STK3: variants seen among roughly 807,000 people sequenced by gnomAD.
The protein encoded by STK3 is serine/threonine kinase 3.
In STK3, 41 loss-of-function variants were observed where a neutral mutation model predicts 58.0. The ratio of observed to expected loss-of-function variants is 0.71; its 90% CI spans 0.55 to 0.92. STK3 has a LOEUF of 0.92. Among genes scored for constraint, STK3 ranks in the 40% least tolerant of loss-of-function variants. The pLI is 0.00. For missense variants in STK3, 479 were observed against 602.7 expected (o/e 0.79, Z 2.15); for synonymous variants, 170 against 191.0 (o/e 0.89, Z 0.91).
chr8:98,840,624 T>TATATAC, intron 3 of STK3, among the ~76,000 whole-genome samples: 1 of 132,208 alleles, frequency 7.6e-6, no homozygotes, highest in South Asian at 2.4e-4. Context: ...TATATATATA[T>TATATAC]ATATACACAC....
downstream of STK3, among the ~76,000 whole-genome samples, chr8:98,368,834 C>T (rs759376140): frequency 3.3e-5 from 5 of 152,160 alleles, no homozygotes; most frequent in Non-Finnish European, 7.3e-5. Context: ...CGTAGGCCTT[C>T]TCGGAACATT....
intron 10 of STK3, among the ~76,000 whole-genome samples, chr8:98,466,733 T>C (rs888003329): frequency 3.9e-5 from 6 of 152,210 alleles, no homozygotes; most frequent in Middle Eastern, 3.2e-3. Context: ...TTCCTGATGT[T>C]GTGGTTAGTA....
chr8:98,510,582 G>GT lies in STK3; in HGVS notation c.1317+16159dup, dbSNP rs200308758. On this transcript the variant is annotated intron_variant, in intron 10 of 10. Coordinates refer to ENST00000419617, the MANE Select transcript of STK3 (RefSeq NM_006281.4). ...AATTTCTATAAAATATTTAAATGCAGTTTTTTTTTACAACTAGAATTCTCA... is the reference window on the plus strand; with the variant it reads ...AATTTCTATAAAATATTTAAATGCAGTTTTTTTTTTACAACTAGAATTCTCA... Among the ~76,000 whole-genome samples the GT allele has an allele frequency of 7.7e-3, 1,165 of 150,820 alleles. 12 individuals are homozygous for GT. The highest frequency in any genetic ancestry group is 0.01 in the Middle Eastern group (3 of 294).
chr8:98,597,880 A>C lies in STK3; in HGVS notation c.685-1711T>G, dbSNP rs923824571. ...CAAACAACTGAGTGCCAGACAATGA[A>C]ATTCTGCCTGCAAATAACCTAATTA... On this transcript the variant is annotated intron_variant, in intron 6 of 10. Transcript: ENST00000419617. The C allele has an allele frequency of 7.1e-6, 7 of 985,252 alleles. No individual in the cohort carries two copies. The African/African-American group carries it at 1.2e-4, about 17-fold the overall frequency. The allele number at this position is 985,252 out of a possible 1,614,324, so 61.0% of individuals were successfully genotyped here.
At chr8:98,392,299 G>A (rs1038720544), upstream of STK3, among the ~76,000 whole-genome samples, 2 of 152,022 alleles carry the variant, frequency 1.3e-5, no homozygotes, top group Non-Finnish European at 2.9e-5. Context: ...TGTATTCATG[G>A]AATGCTTCCT....
chr8:98,923,854 T>TGTGTGTGTGTGCGCGCGC (rs1491486943), intron 1 of STK3, among the ~76,000 whole-genome samples: 1 of 113,620 alleles, frequency 8.8e-6, no homozygotes, highest in African/African-American at 3.4e-5. Context: ...TGTGTGTGTG[T>TGTGTGTGTGTGCGCGCGC]GCGCGCGCGC....
chr8:98,473,243 C>T (rs1363970404), intron 10 of STK3, among the ~76,000 whole-genome samples: 1 of 152,018 alleles, frequency 6.6e-6, no homozygotes, highest in Non-Finnish European at 1.5e-5. Context: ...TCTTCTACAC[C>T]CCCTGTTGTA....
intron 7 of STK3, chr8:98,595,454 T>G (rs186912224): frequency 1.3e-5 from 2 of 152,196 alleles, no homozygotes; most frequent in Admixed American, 1.3e-4. Flanking sequence ...GAGACATACT[T>G]ATTATTAGCT....
chr8:98,903,992 T>C (rs895620695), intron 1 of STK3, among the ~76,000 whole-genome samples: 2 of 152,226 alleles, frequency 1.3e-5, no homozygotes, highest in African/African-American at 4.8e-5. Flanking sequence ...CTCATGTTTA[T>C]GTCTTTTTTT....
chr8:98,772,075 C>T (rs1831346012), intron 2 of STK3, among the ~76,000 whole-genome samples: 2 of 152,206 alleles, frequency 1.3e-5, no homozygotes, highest in South Asian at 4.1e-4. Flanking sequence ...ATTAGTTTTG[C>T]TATATTCCAT....
intron 10 of STK3, among the ~76,000 whole-genome samples, chr8:98,496,987 A>G (rs1449099665): frequency 1.3e-5 from 2 of 152,194 alleles, no homozygotes; most frequent in African/African-American, 4.8e-5. Context: ...AAAAATTTTT[A>G]AAGCCAAAAC....
intron 7 of STK3, among the ~76,000 whole-genome samples, chr8:98,594,251 G>A (rs1815606215): frequency 1.3e-5 from 2 of 152,128 alleles, no homozygotes; most frequent in Non-Finnish European, 2.9e-5. Context: ...AGGTTTCAGT[G>A]AGCGAGATCA....
chr8:98,885,231 C>T (rs535495931), intron 1 of STK3, among the ~76,000 whole-genome samples: 29 of 152,278 alleles, frequency 1.9e-4, no homozygotes, highest in African/African-American at 7.0e-4. Context: ...TGCCTCCTTG[C>T]CCCAGCACAG....
chr8:98,689,661 T>C (rs1424527376), intron 6 of STK3, among the ~76,000 whole-genome samples: 2 of 152,108 alleles, frequency 1.3e-5, no homozygotes, highest in African/African-American at 4.8e-5. Flanking sequence ...CACATGCTTA[T>C]AGTCCTAGCT....
intron 1 of STK3, among the ~76,000 whole-genome samples, chr8:98,933,111 T>C (rs970966934): frequency 2.6e-5 from 4 of 152,334 alleles, no homozygotes; most frequent in South Asian, 4.1e-4. Flanking sequence ...CCAAGTTACA[T>C]GGCCTTTTCT....
intron 3 of STK3, among the ~76,000 whole-genome samples, chr8:98,872,880 G>T (rs1270612826): frequency 6.6e-6 from 1 of 152,090 alleles, no homozygotes; most frequent in Non-Finnish European, 1.5e-5. Flanking sequence ...CCTTCTGCTA[G>T]CTTTTGAATA....
At chr8:98,617,744 T>C (rs1240984027) in intron 6 of STK3, among the ~76,000 whole-genome samples, 4 of 150,968 alleles carry the variant, frequency 2.6e-5, no homozygotes, top group South Asian at 2.1e-4. Flanking sequence ...ACACATACAC[T>C]CTCCCAAGAC....
intron 6 of STK3, among the ~76,000 whole-genome samples, chr8:98,689,968 G>A (rs1209691504): frequency 6.6e-6 from 1 of 152,070 alleles, no homozygotes; most frequent in Non-Finnish European, 1.5e-5. Context: ...AATAGACACA[G>A]AAAAGGCTTT....
At chr8:98,745,728 C>T (rs1446870396) in intron 4 of STK3, among the ~76,000 whole-genome samples, 8 of 151,946 alleles carry the variant, frequency 5.3e-5, no homozygotes, top group South Asian at 2.1e-4. Context: ...CAAAACCTAC[C>T]GAGAAACTGA....
Sources: allele counts gnomAD v4.1 joint callset (sites outside exome capture counted in the v4.1 genomes callset), GRCh38; gene constraint gnomAD v4.1.1; transcripts MANE v1.5; gene names NCBI Gene and HGNC (gene_info 2026-07-23, HGNC 2026-07-21).